Variants in RNF166 observed in about 807,000 individuals in gnomAD.
RNF166 encodes the protein ring finger protein 166.
Under a neutral mutation model 29.4 loss-of-function variants are expected in RNF166, and 19 were observed. The observed-to-expected ratio is 0.65, with a 90% CI of 0.45 to 0.95. The LOEUF (loss-of-function observed/expected upper bound fraction) is 0.95. Ranked by LOEUF, RNF166 falls within the 40% of genes least tolerant of loss-of-function variation. The pLI, the probability that RNF166 is intolerant of heterozygous loss-of-function variation, is 0.00. For missense variants in RNF166, 347 were observed against 322.1 expected, an observed-to-expected ratio of 1.08 and a Z score of -0.59; for synonymous variants, 171 against 134.5, an observed-to-expected ratio of 1.27 and a Z score of -1.88.
rs893816607 is a variant in RNF166, at chr16:88,699,549, C to T, written c.425+71G>A. ...CTCCCCCAGCCTCTCTGGGATGGGG[C>T]ACTGCGCTTGCTCCCAGAACGAGGA... On this transcript the variant is annotated intron_variant, in intron 3 of 5. Coordinates refer to ENST00000312838, the MANE Select transcript of RNF166 (RefSeq NM_178841.4). 9 of 1,211,926 alleles carry T rather than the reference C, an allele frequency of 7.4e-6. No individual in the cohort carries two copies. The Admixed American group carries it at 1.9e-4, about 25-fold the overall frequency. The allele number at this position is 1,211,926 out of a possible 1,614,324, so 75.1% of individuals were successfully genotyped here.
intron 1 of RNF166, among the ~76,000 whole-genome samples, chr16:88,705,430 G>C (rs943925018): frequency 6.6e-6 from 1 of 152,218 alleles, no homozygotes; most frequent in Admixed American, 6.5e-5. Flanking sequence ...AGCAGACACT[G>C]ATCTAGGCTT....
chr16:88,701,750 G>A (rs879801607), intron 1 of RNF166: 5 of 291,026 alleles, frequency 1.7e-5, no homozygotes, highest in East Asian at 6.0e-5. Context: ...CCAGGTTCAC[G>A]TTCACGTGGC....
intron 1 of RNF166, among the ~76,000 whole-genome samples, chr16:88,705,820 C>G (rs1341192192): frequency 2.0e-5 from 3 of 152,256 alleles, no homozygotes; most frequent in Non-Finnish European, 4.4e-5. Context: ...CCCAAATCCA[C>G]CACCACTGGC....
At chr16:88,699,375 C>T (rs900005588) in intron 3 of RNF166, among the ~76,000 whole-genome samples, 1 of 152,246 alleles carries the variant, frequency 6.6e-6, no homozygotes, top group Admixed American at 6.5e-5. Flanking sequence ...GATGTGTGGG[C>T]CCGGCCTGCG....
At chr16:88,702,668 C>T in intron 1 of RNF166, 7 of 983,116 alleles carry the variant, frequency 7.1e-6, no homozygotes, top group African/African-American at 1.7e-5. Context: ...GCTGGTGGCT[C>T]CCACATGAAA....
At chr16:88,702,948 CAGG>C (rs746556342) in intron 1 of RNF166, 267 of 985,436 alleles carry the variant, frequency 2.7e-4, no homozygotes, top group Non-Finnish European at 3.1e-4. Context: ...GCACTCATGG[CAGG>C]AGAAGCGGAA....
intron 1 of RNF166, chr16:88,703,515 C>G (rs576686628): frequency 1.0e-6 from 1 of 985,400 alleles, no homozygotes; most frequent in East Asian, 1.1e-4. Flanking sequence ...CGGCTGGGCC[C>G]GAGGAGCAGG....
At chr16:88,700,749 G>T (rs1803778874) in intron 2 of RNF166, 3 of 995,452 alleles carry the variant, frequency 3.0e-6, no homozygotes, top group Middle Eastern at 5.2e-4. Context: ...GGACATGGGG[G>T]CCAATGAGGC....
intron 1 of RNF166, chr16:88,703,182 TGGGTGCCAGGCGAGG>T (rs1952976512): frequency 1.0e-6 from 1 of 981,746 alleles, no homozygotes; most frequent in Admixed American, 6.2e-5. Flanking sequence ...AGCAGACGGG[TGGGTGCCAGGCGAGG>T]GGGAGAGTCC....
chr16:88,701,148 C>A (rs890442275), intron 2 of RNF166, 114 bp downstream of exon 2: 2 of 1,380,746 alleles, frequency 1.4e-6, no homozygotes, highest in Admixed American at 1.9e-5. Context: ...GCAGAGACCG[C>A]GATTACTCAA....
At chr16:88,703,005 G>A (rs556097811) in intron 1 of RNF166, 7 of 985,442 alleles carry the variant, frequency 7.1e-6, no homozygotes, top group African/African-American at 1.7e-5. Flanking sequence ...AGACGGCGTG[G>A]CGTGCACACC....
chr16:88,699,784 G>GGACGGCCCT, intron 2 of RNF166, 52 bp from the exon 3 acceptor site: 1 of 1,391,014 alleles, frequency 7.2e-7, no homozygotes, highest in Non-Finnish European at 1.0e-6. Context: ...TGGAAGGGCC[G>GGACGGCCCT]TCCTGGGGAG....
chr16:88,703,651 G>A lies in RNF166; in HGVS notation c.156-2233C>T, dbSNP rs918129203. On this transcript the variant is annotated intron_variant, in intron 1 of 5. Transcript: ENST00000312838. Reference sequence around the variant, plus strand: ...CTTCCCCCACAGGAAGTTCCTGTCTGCGCCCACCCAGGGGCTGGTGCTGAG... The same window carrying A: ...CTTCCCCCACAGGAAGTTCCTGTCTACGCCCACCCAGGGGCTGGTGCTGAG... 12 of 985,434 alleles carry A rather than the reference G, an allele frequency of 1.2e-5. No individual in the cohort carries two copies. In the African/African-American group the frequency reaches 1.2e-4, roughly 10 times the overall value. The allele number at this position is 985,434 out of a possible 1,614,324, so 61.0% of individuals were successfully genotyped here.
At chr16:88,699,301 C>T (rs1354691895) in intron 3 of RNF166, among the ~76,000 whole-genome samples, 2 of 152,260 alleles carry the variant, frequency 1.3e-5, no homozygotes, top group South Asian at 2.1e-4. Context: ...AGCCAAACGG[C>T]AGAGACTCTG....
At chr16:88,701,575 C>T (rs1045873683) in intron 1 of RNF166, 157 bp from the exon 2 acceptor site, 18 of 685,934 alleles carry the variant, frequency 2.6e-5, no homozygotes, top group Non-Finnish European at 4.2e-5. Context: ...ACTCCTATGT[C>T]CGGGGCCCAC....
chr16:88,700,676 T>C (rs947226251), intron 2 of RNF166: 14 of 987,140 alleles, frequency 1.4e-5, no homozygotes, highest in Non-Finnish European at 1.6e-5. Context: ...CTGGGGCCTC[T>C]CCACCCTGAA....
intron 3 of RNF166, among the ~76,000 whole-genome samples, chr16:88,699,375 C>A (rs900005588): frequency 3.4e-4 from 52 of 152,364 alleles, no homozygotes; most frequent in African/African-American, 1.1e-3. Context: ...GATGTGTGGG[C>A]CCGGCCTGCG....
intron 2 of RNF166, 122 bp from the exon 3 acceptor site, chr16:88,699,854 G>T: frequency 1.6e-6 from 1 of 640,186 alleles, no homozygotes; most frequent in Non-Finnish European, 2.7e-6. Flanking sequence ...GTTGCCAGCA[G>T]CAGGGGGACC....
chr16:88,700,623 G>A (rs1910119692), intron 2 of RNF166: 4 of 986,026 alleles, frequency 4.1e-6, no homozygotes, highest in Non-Finnish European at 4.8e-6. Flanking sequence ...ATCACCTCTA[G>A]CTGCTCAGTC....
Sources: gnomAD v4.1 joint callset for allele counts (sites outside exome capture counted in the v4.1 genomes callset) on GRCh38, gnomAD v4.1.1 for gene constraint, MANE v1.5 for transcripts, NCBI Gene and HGNC (gene_info 2026-07-23, HGNC 2026-07-21) for gene names.